Variants in NFATC2 observed in about 807,000 individuals in gnomAD.
NFATC2 encodes the protein nuclear factor of activated T cells 2.
Under a neutral mutation model 87.3 loss-of-function variants are expected in NFATC2, and 22 were observed. That is an observed-to-expected ratio of 0.25 (90% confidence interval 0.18 to 0.36). The LOEUF (loss-of-function observed/expected upper bound fraction) is 0.36. Among genes scored for constraint, NFATC2 ranks in the 10% least tolerant of loss-of-function variants. The probability of loss-of-function intolerance (pLI) is 1.00; values close to 1 mark genes in which losing one functional copy is unlikely to be tolerated. For missense variants in NFATC2, 1,149 were observed against 1,259.1 expected, an observed-to-expected ratio of 0.91 and a Z score of 1.32; for synonymous variants, 565 against 542.2, an observed-to-expected ratio of 1.04 and a Z score of -0.58.
chr20:51,535,278 C>A (rs922907106), intron 1 of NFATC2, among the ~76,000 whole-genome samples: 2 of 152,234 alleles, frequency 1.3e-5, no homozygotes, highest in African/African-American at 4.8e-5. Context: ...CCATCCTCTG[C>A]CCAACTTAGC....
Position 51,461,750 on chromosome 20 carries a change from C to CG in NFATC2, c.1709-7063dup, listed in dbSNP as rs1987175952. ...CGTCAAGCCGGGTGGCCAAGAATTA[C>CG]GATCTATCCAAGAACCTCAGGAGAG... On this transcript the variant is annotated intron_variant, in intron 5 of 10. Coordinates refer to ENST00000371564, the MANE Select transcript of NFATC2 (RefSeq NM_012340.5). 1.3e-5 allele frequency among the ~76,000 whole-genome samples: 2 copies of CG among 152,234 alleles called. 1 individual carries two copies. Among genetic ancestry groups the CG allele is most frequent in the Admixed American group, 1.3e-4 (2 of 15,278 alleles).
At position 51,518,214 on chromosome 20, in the gene NFATC2, A is replaced by G. The variant is rs539264642; in HGVS notation, c.1161-1259T>C. 5.9e-5 allele frequency among the ~76,000 whole-genome samples: 9 copies of G among 152,338 alleles called. No homozygotes were observed. In the East Asian group the frequency reaches 1.7e-3, roughly 29 times the overall value. ...CCTTCTTTTCCCCTGGGAATTTTGA[A>G]AAGCATCACTATGGATTTATGTCAC... On this transcript the variant is annotated intron_variant, in intron 2 of 10. Coordinates refer to ENST00000371564, the MANE Select transcript of NFATC2 (RefSeq NM_012340.5).
intron 9 of NFATC2, among the ~76,000 whole-genome samples, chr20:51,429,325 C>T (rs147067656): frequency 0.017 from 2,516 of 152,358 alleles, 30 homozygotes; most frequent in Non-Finnish European, 0.026. Context: ...GCCTTGGAGA[C>T]AAGGCCGGTG....
intron 9 of NFATC2, among the ~76,000 whole-genome samples, chr20:51,412,821 G>T (rs1347452339): frequency 6.6e-6 from 1 of 152,088 alleles, no homozygotes; most frequent in African/African-American, 2.4e-5. Context: ...TGCAAAGGGG[G>T]TGCAATCTCA....
At chr20:51,446,139 A>C (rs1056415954) in intron 6 of NFATC2, among the ~76,000 whole-genome samples, 7 of 152,158 alleles carry the variant, frequency 4.6e-5, no homozygotes, top group Non-Finnish European at 2.9e-5. Flanking sequence ...GCAGACCATG[A>C]GTTACCCTCC....
At chr20:51,541,663 C>T (rs2076818961) in intron 1 of NFATC2, among the ~76,000 whole-genome samples, 1 of 152,174 alleles carries the variant, frequency 6.6e-6, no homozygotes, top group African/African-American at 2.4e-5. Context: ...TAGGACTAAG[C>T]GTAGAAGATC....
intron 5 of NFATC2, among the ~76,000 whole-genome samples, chr20:51,457,434 G>C (rs1006569810): frequency 5.3e-5 from 8 of 152,202 alleles, no homozygotes; most frequent in African/African-American, 1.9e-4. Context: ...GCGGACAGTT[G>C]GGCTGTGAAT....
At chr20:51,424,063 G>A (rs1347212611) in intron 9 of NFATC2, among the ~76,000 whole-genome samples, 2 of 152,166 alleles carry the variant, frequency 1.3e-5, no homozygotes, top group Admixed American at 6.5e-5. Context: ...GGAAACAAGA[G>A]AGGGAAACGA....
chr20:51,430,509 A>G (rs1982545357), intron 9 of NFATC2, among the ~76,000 whole-genome samples: 1 of 152,252 alleles, frequency 6.6e-6, no homozygotes, highest in Admixed American at 6.5e-5. Flanking sequence ...TTCAGGATCA[A>G]ACGGATCAAT....
chr20:51,525,984 C>T (rs948628981), intron 1 of NFATC2, among the ~76,000 whole-genome samples: 21 of 150,020 alleles, frequency 1.4e-4, no homozygotes, highest in Non-Finnish European at 2.1e-4. Flanking sequence ...AACCTCTTCG[C>T]CGTACTTAAG....
intron 1 of NFATC2, among the ~76,000 whole-genome samples, chr20:51,525,884 TAA>T (rs2076536526): frequency 6.6e-6 from 1 of 151,620 alleles, no homozygotes; most frequent in African/African-American, 2.4e-5. Flanking sequence ...AGATGGAACC[TAA>T]AGTCACTAAC....
chr20:51,453,985 C>A (rs756665209), intron 6 of NFATC2, among the ~76,000 whole-genome samples: 1 of 152,210 alleles, frequency 6.6e-6, no homozygotes, highest in Middle Eastern at 3.2e-3. Context: ...TGATTCACTG[C>A]AGAACTACTT....
At chr20:51,527,016 A>G (rs1205550106) in intron 1 of NFATC2, among the ~76,000 whole-genome samples, 2 of 152,122 alleles carry the variant, frequency 1.3e-5, no homozygotes, top group Admixed American at 1.3e-4. Context: ...CTCCCACCTC[A>G]GCCTCCCAAG....
rs770853802 is a variant in NFATC2 at position 51,542,332 on chromosome 20, CGGGCTCAGGGGCCAGGCCAG to C, written c.130+18_130+37del. ...CCAGTCCCCAGGCCTGAGCCCCTGG[CGGGCTCAGGGGCCAGGCCAG>C]GGGTAGCCTCCACCGACCTTCGTTC... On this transcript the variant is annotated intron_variant, in intron 1 of 10. Coordinates refer to ENST00000371564, the MANE Select transcript of NFATC2 (RefSeq NM_012340.5). 3.2e-6 allele frequency: 5 copies of C among 1,586,154 alleles called. No homozygotes were observed. The East Asian group carries it at 1.2e-4, about 38-fold the overall frequency.
chr20:51,410,027 G>A (rs887975767), intron 9 of NFATC2, among the ~76,000 whole-genome samples: 5 of 152,116 alleles, frequency 3.3e-5, no homozygotes, highest in East Asian at 1.9e-4. Flanking sequence ...TGGCTAACAC[G>A]GTGAAACCCC....
At chr20:51,520,249 C>A (rs2076422029) in intron 2 of NFATC2, among the ~76,000 whole-genome samples, 1 of 152,178 alleles carries the variant, frequency 6.6e-6, no homozygotes, top group African/African-American at 2.4e-5. Context: ...CTATTCTCAA[C>A]CACTAAATAA....
intron 6 of NFATC2, among the ~76,000 whole-genome samples, chr20:51,453,472 AT>A (rs1262850036): frequency 4.6e-5 from 7 of 152,262 alleles, no homozygotes; most frequent in Admixed American, 2.0e-4. Flanking sequence ...ACCTACTGAA[AT>A]CATGTCTGTT....
At chr20:51,481,629 G>T (rs1989267301) in intron 3 of NFATC2, among the ~76,000 whole-genome samples, 1 of 152,098 alleles carries the variant, frequency 6.6e-6, no homozygotes, top group African/African-American at 2.4e-5. Flanking sequence ...GGGGGTGGGG[G>T]CCCAGGCTGC....
At chr20:51,402,852 TG>T (rs57151280) in intron 9 of NFATC2, among the ~76,000 whole-genome samples, 405 of 152,350 alleles carry the variant, frequency 2.7e-3, no homozygotes, top group African/African-American at 9.1e-3. Context: ...GCAAAACCCC[TG>T]GCCTGGCTTC....
Sources: allele counts gnomAD v4.1 joint callset (sites outside exome capture counted in the v4.1 genomes callset), GRCh38; gene constraint gnomAD v4.1.1; transcripts MANE v1.5; gene names NCBI Gene and HGNC (gene_info 2026-07-23, HGNC 2026-07-21).